KCNJ6: variants seen among roughly 807,000 people sequenced by gnomAD.
The protein encoded by KCNJ6 is potassium inwardly rectifying channel subfamily J member 6.
A neutral mutation model predicts 34.2 loss-of-function variants in KCNJ6; 9 were observed. The observed-to-expected ratio is 0.26, with a 90% confidence interval of 0.16 to 0.46. KCNJ6 has a LOEUF of 0.46. Ranked by LOEUF, KCNJ6 falls within the 20% of genes least tolerant of loss-of-function variation. The probability of loss-of-function intolerance (pLI) is 1.00; values close to 1 mark genes in which losing one functional copy is unlikely to be tolerated. For missense variants in KCNJ6, 236 were observed against 531.3 expected, an observed-to-expected ratio of 0.44 and a Z score of 5.46; for synonymous variants, 196 against 207.1, an observed-to-expected ratio of 0.95 and a Z score of 0.46.
At position 37,853,665 on chromosome 21, in the gene KCNJ6, A is replaced by G. The variant is rs371642636; in HGVS notation, c.-27-12956T>C. Among the ~76,000 whole-genome samples, 76 of 152,040 alleles carry G rather than the reference A, an allele frequency of 5.0e-4. 4 individuals carry two copies. In the East Asian group the frequency reaches 5.4e-3, roughly 11 times the overall value. ...TCTTGAGTTTTCTAAATTATGCTTG[A>G]TGGCTGAAGCACACATTATAGCATG... On this transcript the variant is annotated intron_variant, in intron 1 of 3. Transcript: ENST00000609713.
intron 2 of KCNJ6, among the ~76,000 whole-genome samples, chr21:37,784,382 G>A (rs1225020949): frequency 1.3e-5 from 2 of 152,206 alleles, no homozygotes; most frequent in Non-Finnish European, 2.9e-5. Context: ...CAGCCAGACC[G>A]AGCCTTCTGC....
chr21:37,810,720 C>T (rs2055318535), intron 2 of KCNJ6, among the ~76,000 whole-genome samples: 1 of 152,080 alleles, frequency 6.6e-6, no homozygotes, highest in Non-Finnish European at 1.5e-5. Context: ...AATATTTTGC[C>T]AGTTTTTCTA....
chr21:37,867,958 A>C (rs1007969699), intron 1 of KCNJ6, among the ~76,000 whole-genome samples: 2 of 152,232 alleles, frequency 1.3e-5, no homozygotes, highest in Non-Finnish European at 2.9e-5. Flanking sequence ...AGCTGGGGAC[A>C]GAAAGGTCCA....
At chr21:37,861,886 C>T (rs1486230935) in intron 1 of KCNJ6, among the ~76,000 whole-genome samples, 3 of 152,176 alleles carry the variant, frequency 2.0e-5, no homozygotes, top group African/African-American at 7.2e-5. Context: ...TGATGCTGGG[C>T]CCCTGGGCAA....
intron 2 of KCNJ6, among the ~76,000 whole-genome samples, chr21:37,751,078 A>T (rs1311749865): frequency 6.6e-6 from 1 of 152,226 alleles, no homozygotes; most frequent in African/African-American, 2.4e-5. Flanking sequence ...TGAATAAACC[A>T]CTAAACAATG....
chr21:37,707,731 G>GTGTGTGTGTGTGTGTATGTGTGCA (rs1556022152), intron 3 of KCNJ6, among the ~76,000 whole-genome samples: 1 of 150,940 alleles, frequency 6.6e-6, no homozygotes, highest in Admixed American at 6.6e-5. Flanking sequence ...GCATGTGTGT[G>GTGTGTGTGTGTGTGTATGTGTGCA]TGTGAATAAT....
chr21:37,911,486 A>G (rs1435531928), intron 1 of KCNJ6, among the ~76,000 whole-genome samples: 1 of 152,232 alleles, frequency 6.6e-6, no homozygotes, highest in African/African-American at 2.4e-5. Context: ...ATGCCATCTC[A>G]ATAAGCTATA....
At chr21:37,737,682 GA>G (rs2054920250) in intron 2 of KCNJ6, among the ~76,000 whole-genome samples, 1 of 152,172 alleles carries the variant, frequency 6.6e-6, no homozygotes, top group African/African-American at 2.4e-5. Flanking sequence ...GGTTTCTGGG[GA>G]CAGAGTCTGA....
chr21:37,815,055 C>A (rs1223684066), intron 2 of KCNJ6, among the ~76,000 whole-genome samples: 2 of 151,922 alleles, frequency 1.3e-5, no homozygotes, highest in South Asian at 4.2e-4. Context: ...TTTTTGGGAT[C>A]TTAACATCAA....
chr21:37,744,870 C>T (rs528740441), intron 2 of KCNJ6, among the ~76,000 whole-genome samples: 4 of 152,190 alleles, frequency 2.6e-5, no homozygotes, highest in Middle Eastern at 6.8e-3. Flanking sequence ...AGAATAATGG[C>T]CCCAACGAGG....
At chr21:37,725,616 C>G (rs1601439847) in intron 2 of KCNJ6, among the ~76,000 whole-genome samples, 2 of 152,140 alleles carry the variant, frequency 1.3e-5, no homozygotes, top group East Asian at 3.9e-4. Flanking sequence ...GTAGGTATCA[C>G]AATTTAGAAA....
chr21:37,690,994 G>A (rs2054637247), intron 3 of KCNJ6, among the ~76,000 whole-genome samples: 1 of 152,062 alleles, frequency 6.6e-6, no homozygotes, highest in African/African-American at 2.4e-5. Context: ...TCTTGGCCAG[G>A]CTGGTCTTGA....
intron 3 of KCNJ6, among the ~76,000 whole-genome samples, chr21:37,680,751 C>T (rs1569444178): frequency 1.3e-5 from 2 of 152,156 alleles, no homozygotes; most frequent in South Asian, 4.1e-4. Context: ...AACTGCAGGT[C>T]TTGGGAATTC....
In KCNJ6 at chr21:37,818,012, T is replaced by C. The variant is rs746037616; in HGVS notation, c.25+22646A>G. Among the ~76,000 whole-genome samples, 54 of 152,222 alleles carry C rather than the reference T, an allele frequency of 3.5e-4. 1 individual carries two copies. The highest frequency in any genetic ancestry group is 6.0e-4 in the Non-Finnish European group (41 of 68,046). Reference sequence around the variant, plus strand: ...AGCCCCATCTGCCTCGTACCCAGAATGCACATGAAGATGGCATTCTCTTCA... The same window carrying C: ...AGCCCCATCTGCCTCGTACCCAGAACGCACATGAAGATGGCATTCTCTTCA... On this transcript the variant is annotated intron_variant, in intron 2 of 3. Transcript: ENST00000609713.
At chr21:37,861,712 C>T (rs1292486098) in intron 1 of KCNJ6, among the ~76,000 whole-genome samples, 1 of 152,160 alleles carries the variant, frequency 6.6e-6, no homozygotes, top group African/African-American at 2.4e-5. Context: ...AGCCATAAAA[C>T]ATGGAGTGAC....
intron 3 of KCNJ6, among the ~76,000 whole-genome samples, chr21:37,699,958 T>C (rs1273795914): frequency 6.6e-6 from 1 of 152,184 alleles, no homozygotes; most frequent in East Asian, 1.9e-4. Flanking sequence ...CCAGATTACA[T>C]AGCGTCCGGT....
At chr21:37,788,488 T>A (rs1285357443) in intron 2 of KCNJ6, among the ~76,000 whole-genome samples, 1 of 152,222 alleles carries the variant, frequency 6.6e-6, no homozygotes, top group African/African-American at 2.4e-5. Flanking sequence ...GCCACAATGC[T>A]CTTATACCAC....
chr21:37,716,505 G>C (rs747201759), intron 2 of KCNJ6, among the ~76,000 whole-genome samples: 9 of 151,472 alleles, frequency 5.9e-5, no homozygotes, highest in African/African-American at 9.7e-5. Context: ...TCAGCCTCCT[G>C]AGTAGGCACA....
At chr21:37,685,811 G>A (rs8134585) in intron 3 of KCNJ6, among the ~76,000 whole-genome samples, 10 of 150,128 alleles carry the variant, frequency 6.7e-5, no homozygotes, top group South Asian at 2.1e-4. Flanking sequence ...AGAAATGATC[G>A]TATGTCCATC....
Sources: gnomAD v4.1 joint callset for allele counts (sites outside exome capture counted in the v4.1 genomes callset) on GRCh38, gnomAD v4.1.1 for gene constraint, MANE v1.5 for transcripts, NCBI Gene and HGNC (gene_info 2026-07-23, HGNC 2026-07-21) for gene names.